Variants in FMNL2 observed in about 807,000 individuals in gnomAD.
FMNL2 encodes the protein formin-like protein 2.
A neutral mutation model predicts 130.2 loss-of-function variants in FMNL2; 51 were observed. That is an observed-to-expected ratio of 0.39 (90% confidence interval 0.31 to 0.49). The LOEUF (loss-of-function observed/expected upper bound fraction) is 0.49. Ranked by LOEUF, FMNL2 falls within the 20% of genes least tolerant of loss-of-function variation. The pLI is 0.85. For missense variants in FMNL2, 977 were observed against 1,316.2 expected (o/e 0.74, Z 3.99); for synonymous variants, 465 against 467.1 (o/e 1.00, Z 0.06).
At chr2:152,420,334 TAG>T (rs1686843223) in intron 1 of FMNL2, among the ~76,000 whole-genome samples, 1 of 152,176 alleles carries the variant, frequency 6.6e-6, no homozygotes, top group African/African-American at 2.4e-5. Flanking sequence ...GTGTTTTCTG[TAG>T]AGTTTCATTT....
intron 1 of FMNL2, among the ~76,000 whole-genome samples, chr2:152,413,382 G>A (rs561189022): frequency 1.3e-5 from 2 of 152,070 alleles, no homozygotes; most frequent in Non-Finnish European, 2.9e-5. Context: ...ATTGATGCCG[G>A]GAAAGTTTGC....
chr2:152,444,096 C>T (rs1301930120), intron 1 of FMNL2, among the ~76,000 whole-genome samples: 1 of 152,068 alleles, frequency 6.6e-6, no homozygotes, highest in Admixed American at 6.5e-5. Context: ...TTAGGAGGGT[C>T]AGGACAGAAA....
intron 1 of FMNL2, among the ~76,000 whole-genome samples, chr2:152,449,315 T>C (rs190529209): frequency 6.6e-6 from 1 of 152,306 alleles, no homozygotes; most frequent in African/African-American, 2.4e-5. Context: ...GGGACTACTT[T>C]TTTCCTTTTT....
chr2:152,437,659 G>C (rs1018298918), intron 1 of FMNL2, among the ~76,000 whole-genome samples: 14 of 152,140 alleles, frequency 9.2e-5, no homozygotes, highest in African/African-American at 2.7e-4. Context: ...CTATCGGTTT[G>C]TGTGAAACTG....
At chr2:152,356,087 T>C (rs372901553) in intron 1 of FMNL2, among the ~76,000 whole-genome samples, 54 of 152,346 alleles carry the variant, frequency 3.5e-4, no homozygotes, top group African/African-American at 1.3e-3. Context: ...TTTATACATT[T>C]GATTTGAGAA....
intron 2 of FMNL2, among the ~76,000 whole-genome samples, chr2:152,541,697 G>A (rs1694319431): frequency 6.6e-6 from 1 of 152,236 alleles, no homozygotes; most frequent in East Asian, 1.9e-4. Flanking sequence ...TACCCCTTGA[G>A]TGTGTATCTG....
At chr2:152,553,786 A>G (rs1016310323) in intron 4 of FMNL2, among the ~76,000 whole-genome samples, 7 of 151,932 alleles carry the variant, frequency 4.6e-5, no homozygotes, top group African/African-American at 9.7e-5. Context: ...ATGTTTTATG[A>G]AAAATATTCT....
rs571053046 is a variant in FMNL2 at position 152,360,415 on chromosome 2, T to G, written c.117+24695T>G. Among the ~76,000 whole-genome samples, 9 of 152,284 alleles carry G rather than the reference T, an allele frequency of 5.9e-5. No individual in the cohort carries two copies. The South Asian group carries it at 1.5e-3, about 25-fold the overall frequency. ...GGTGGAATTATAGCTCACTGCAGCCTCTACCTCCTGGCTTATGTGGTCTTC... is the reference window on the plus strand; with the variant it reads ...GGTGGAATTATAGCTCACTGCAGCCGCTACCTCCTGGCTTATGTGGTCTTC... On this transcript the variant is annotated intron_variant, in intron 1 of 25. Transcript: ENST00000288670.
At chr2:152,513,807 C>T (rs562072748) in intron 1 of FMNL2, among the ~76,000 whole-genome samples, 13 of 152,134 alleles carry the variant, frequency 8.5e-5, no homozygotes, top group East Asian at 3.9e-4. Context: ...TCACTGGCTA[C>T]GGCGGTGATA....
At chr2:152,392,817 T>C (rs950612672) in intron 1 of FMNL2, among the ~76,000 whole-genome samples, 1 of 152,178 alleles carries the variant, frequency 6.6e-6, no homozygotes, top group Non-Finnish European at 1.5e-5. Context: ...GACAGATGGA[T>C]CCTCCAGGCT....
intron 1 of FMNL2, among the ~76,000 whole-genome samples, chr2:152,521,617 A>T (rs964692727): frequency 1.3e-5 from 2 of 152,122 alleles, no homozygotes; most frequent in Non-Finnish European, 1.5e-5. Context: ...TTTACAAAGA[A>T]ATTGGATACC....
chr2:152,600,113 A>G (rs374292712), intron 9 of FMNL2, among the ~76,000 whole-genome samples: 4 of 152,338 alleles, frequency 2.6e-5, no homozygotes, highest in African/African-American at 9.6e-5. Flanking sequence ...TAACTATGAA[A>G]TAACTGTTTA....
intron 1 of FMNL2, among the ~76,000 whole-genome samples, chr2:152,441,707 G>A (rs1027903091): frequency 6.6e-6 from 1 of 151,678 alleles, no homozygotes; most frequent in East Asian, 1.9e-4. Flanking sequence ...ATGGTGGCAC[G>A]TGTCTGTAAT....
intron 1 of FMNL2, among the ~76,000 whole-genome samples, chr2:152,413,911 C>G (rs921032058): frequency 1.8e-4 from 27 of 152,194 alleles, no homozygotes; most frequent in Non-Finnish European, 8.8e-5. Context: ...GACTTTTATC[C>G]TCTTGCATGC....
At chr2:152,410,336 AT>A (rs1296223146) in intron 1 of FMNL2, among the ~76,000 whole-genome samples, 1 of 152,216 alleles carries the variant, frequency 6.6e-6, no homozygotes, top group Non-Finnish European at 1.5e-5. Context: ...CAGTGAAATG[AT>A]TGGCGTCTCA....
chr2:152,389,857 C>T, intron 1 of FMNL2: 1 of 1,065,304 alleles, frequency 9.4e-7, no homozygotes, highest in Non-Finnish European at 1.4e-6. Context: ...GACTTTCAGC[C>T]ACGACAATCA....
chr2:152,535,965 A>G (rs1297714259), intron 2 of FMNL2, among the ~76,000 whole-genome samples: 2 of 152,374 alleles, frequency 1.3e-5, no homozygotes, highest in East Asian at 3.9e-4. Context: ...TTTGGGGGAA[A>G]CAATGAGCAT....
At position 152,401,950 on chromosome 2, in the gene FMNL2, G is replaced by A. The variant is rs546154689; in HGVS notation, c.117+66230G>A. ...AGACGGAGTCTCTTTCTGTCACCCA[G>A]GCTGGAATGCAGTGGCGCGATCTCA... On this transcript the variant is annotated intron_variant, in intron 1 of 25. Coordinates refer to ENST00000288670, the MANE Select transcript of FMNL2 (RefSeq NM_052905.4). Among the ~76,000 whole-genome samples the A allele has an allele frequency of 1.2e-4, 15 of 124,322 alleles. 1 individual carries two copies. In the South Asian group the frequency reaches 3.8e-3, roughly 32 times the overall value. 81.6% of individuals were successfully genotyped at this position (124,322 alleles called of 152,430 possible).
chr2:152,637,684 A>T lies in FMNL2; in HGVS notation c.2946+10A>T. 1.2e-6 allele frequency: 2 copies of T among 1,610,814 alleles called. No homozygotes were observed. The highest frequency in any genetic ancestry group is 1.7e-6 in the Non-Finnish European group (2 of 1,177,080). ...TGTGAAAGCATATAAGGTATATGTT[A>T]AGGCCCTCCTTGCCCTTATTTCTCA... On this transcript the variant is annotated intron_variant, in intron 23 of 25. Transcript: ENST00000288670.
Sources: gnomAD v4.1 joint callset for allele counts (sites outside exome capture counted in the v4.1 genomes callset) on GRCh38, gnomAD v4.1.1 for gene constraint, MANE v1.5 for transcripts, NCBI Gene and HGNC (gene_info 2026-07-23, HGNC 2026-07-21) for gene names.